Variants in IL1RAPL1 observed in about 807,000 individuals in gnomAD.
IL1RAPL1 encodes interleukin-1 receptor accessory protein-like 1.
IL1RAPL1 carries 3 observed loss-of-function variants against 48.4 expected under a neutral mutation model. The ratio of observed to expected loss-of-function variants is 0.06; its 90% CI spans 0.03 to 0.16. IL1RAPL1 has a LOEUF of 0.16. Among genes scored for constraint, IL1RAPL1 ranks in the 10% least tolerant of loss-of-function variants. The probability of loss-of-function intolerance (pLI) is 1.00; values close to 1 mark genes in which losing one functional copy is unlikely to be tolerated. For missense variants in IL1RAPL1, 349 were observed against 530.6 expected (o/e 0.66, Z 3.36); for synonymous variants, 185 against 187.7 (o/e 0.99, Z 0.12).
chrX:29,873,711 C>T (rs1316080982), intron 6 of IL1RAPL1, among the ~76,000 whole-genome samples: 1 of 111,928 alleles, frequency 8.9e-6, no homozygotes, highest in Non-Finnish European at 1.9e-5. Context: ...AATGGACCAA[C>T]ACAAGTGATG....
At chrX:29,049,734 T>G (rs1927051893) in intron 2 of IL1RAPL1, among the ~76,000 whole-genome samples, 1 of 112,535 alleles carries the variant, frequency 8.9e-6, no homozygotes, top group Non-Finnish European at 1.9e-5. Flanking sequence ...TTAAACTGAT[T>G]AACTTTTTAA....
intron 1 of IL1RAPL1, among the ~76,000 whole-genome samples, chrX:28,773,061 A>ATCTC (rs112975089): frequency 8.5e-5 from 9 of 105,432 alleles, no homozygotes; most frequent in Non-Finnish European, 1.4e-4. Flanking sequence ...TTCTTATAAT[A>ATCTC]TCTCTCTCTC....
At chrX:29,023,131 A>G (rs1926409798) in intron 2 of IL1RAPL1, among the ~76,000 whole-genome samples, 1 of 112,234 alleles carries the variant, frequency 8.9e-6, no homozygotes, top group Non-Finnish European at 1.9e-5. Context: ...ATTTGTCAAG[A>G]TGTATTATGT....
chrX:29,507,364 T>TC (rs1935344059), intron 5 of IL1RAPL1, among the ~76,000 whole-genome samples: 1 of 518 alleles, frequency 1.9e-3, no homozygotes, highest in Non-Finnish European at 4.1e-3. Context: ...TCCCCTTCTC[T>TC]CCCCTCCCTT....
At chrX:29,262,650 C>A (rs1334329001) in intron 2 of IL1RAPL1, among the ~76,000 whole-genome samples, 3 of 105,373 alleles carry the variant, frequency 2.8e-5, no homozygotes, top group African/African-American at 1.0e-4. Flanking sequence ...GCAACAAGAG[C>A]GAAACTCCAT....
At chrX:29,315,068 A>T (rs921994868) in intron 3 of IL1RAPL1, among the ~76,000 whole-genome samples, 4 of 111,476 alleles carry the variant, frequency 3.6e-5, no homozygotes, top group Non-Finnish European at 7.5e-5. Context: ...TTAAAGGATG[A>T]GTAATAATCC....
chrX:29,112,222 G>C lies in IL1RAPL1; in HGVS notation c.83-170716G>C, dbSNP rs182913647. Reference sequence around the variant, plus strand: ...ATTATAGGTGTGAGCCATGGCACCTGGCCATATTTTCACTTTATTAATAGT... The same window carrying C: ...ATTATAGGTGTGAGCCATGGCACCTCGCCATATTTTCACTTTATTAATAGT... On this transcript the variant is annotated intron_variant, in intron 2 of 10. Transcript: ENST00000378993. Among the ~76,000 whole-genome samples, 55 of 111,101 alleles carry C rather than the reference G, an allele frequency of 5.0e-4. 1 individual carries two copies. The highest frequency in any genetic ancestry group is 4.7e-3 in the Middle Eastern group (1 of 214).
At position 29,396,433 on chromosome X, in the gene IL1RAPL1, C is replaced by G; in HGVS notation, c.538C>G (p.Leu180Val). ...FLLPTREPEILWYKECRTKTW... is the reference protein window; with the variant it reads ...FLLPTREPEIVWYKECRTKTW... ...ACTGCCAACCAGAGAACCTGAAATC[C>G]TTTGGTACAAGGTATGGACTGCGGG... The change falls in exon 4 of 11, where the codon CTT (leucine) becomes GTT (valine). Residue 180 changes from leucine to valine, a missense_variant. Around this residue, in one of 3 missense-constraint regions of IL1RAPL1, gnomAD observed 238 missense variants for 337.8 expected, o/e 0.70. Coordinates refer to ENST00000378993, the MANE Select transcript of IL1RAPL1 (RefSeq NM_014271.4). The G allele has an allele frequency of 8.3e-7, 1 of 1,209,711 alleles. No individual in the cohort carries two copies. Among genetic ancestry groups the G allele is most frequent in the Non-Finnish European group, 1.1e-6 (1 of 893,480 alleles).
At chrX:29,302,065 T>A (rs979348711) in intron 3 of IL1RAPL1, among the ~76,000 whole-genome samples, 1 of 112,020 alleles carries the variant, frequency 8.9e-6, no homozygotes, top group South Asian at 3.7e-4. Flanking sequence ...ATTTGGGAAG[T>A]ACCCAAGAAT....
chrX:29,811,920 C>T (rs904776525), intron 6 of IL1RAPL1, among the ~76,000 whole-genome samples: 7 of 111,633 alleles, frequency 6.3e-5, no homozygotes, highest in Non-Finnish European at 7.5e-5. Context: ...TAAAAGCACA[C>T]CCTTTAACAC....
chrX:29,067,020 C>A (rs990443558), intron 2 of IL1RAPL1, among the ~76,000 whole-genome samples: 2 of 111,738 alleles, frequency 1.8e-5, no homozygotes, highest in African/African-American at 6.5e-5. Flanking sequence ...CTTGTTCTTA[C>A]TGAGATTTGG....
At chrX:29,920,391 A>G (rs890436530) in intron 8 of IL1RAPL1, among the ~76,000 whole-genome samples, 1 of 111,830 alleles carries the variant, frequency 8.9e-6, no homozygotes, top group African/African-American at 3.3e-5. Flanking sequence ...GGAAAATAAT[A>G]GTATCAACCC....
chrX:28,809,686 T>G (rs895209224), intron 2 of IL1RAPL1, among the ~76,000 whole-genome samples: 1 of 110,407 alleles, frequency 9.1e-6, no homozygotes, highest in Non-Finnish European at 1.9e-5. Flanking sequence ...CCGTGGCCCC[T>G]TAGGTCATGG....
At chrX:28,726,284 A>G (rs1457184573) in intron 1 of IL1RAPL1, among the ~76,000 whole-genome samples, 2 of 112,264 alleles carry the variant, frequency 1.8e-5, no homozygotes, top group African/African-American at 6.5e-5. Context: ...TATTGATATT[A>G]TGTTCAAGAA....
chrX:29,535,470 G>A (rs1921200980), intron 5 of IL1RAPL1, among the ~76,000 whole-genome samples: 1 of 111,498 alleles, frequency 9.0e-6, no homozygotes, highest in African/African-American at 3.3e-5. Flanking sequence ...CTCTTTGTGG[G>A]GTACCATCCT....
rs898548266 is a variant in IL1RAPL1, at chrX:28,805,274, C to T, written c.82+15849C>T. Among the ~76,000 whole-genome samples, 3 of 111,329 alleles carry T rather than the reference C, an allele frequency of 2.7e-5. 1 individual carries two copies. Among genetic ancestry groups the T allele is most frequent in the African/African-American group, 9.8e-5 (3 of 30,717 alleles). On this transcript the variant is annotated intron_variant, in intron 2 of 10. Transcript: ENST00000378993. ...AAGAGAGGGAGGTGGAAGGTAATTCCAGCTGCTTTTATTAAGTTAAAAATT... is the reference window on the plus strand; with the variant it reads ...AAGAGAGGGAGGTGGAAGGTAATTCTAGCTGCTTTTATTAAGTTAAAAATT...
intron 2 of IL1RAPL1, among the ~76,000 whole-genome samples, chrX:29,267,779 A>C (rs964457970): frequency 8.9e-6 from 1 of 112,000 alleles, no homozygotes; most frequent in Non-Finnish European, 1.9e-5. Flanking sequence ...ACCGAATGCC[A>C]TGTGTAAATT....
chrX:28,680,143 T>C (rs369472897), intron 1 of IL1RAPL1, among the ~76,000 whole-genome samples: 1 of 111,645 alleles, frequency 9.0e-6, no homozygotes, highest in Non-Finnish European at 1.9e-5. Context: ...TCCTAATCAA[T>C]GTTTTAAATT....
At chrX:28,965,031 A>G (rs2147365073) in intron 2 of IL1RAPL1, among the ~76,000 whole-genome samples, 1 of 111,683 alleles carries the variant, frequency 9.0e-6, no homozygotes, top group South Asian at 3.7e-4. Context: ...TGTTATACAC[A>G]CACACACATA....
Sources: allele counts gnomAD v4.1 joint callset (sites outside exome capture counted in the v4.1 genomes callset), GRCh38; gene constraint gnomAD v4.1.1; regional missense constraint gnomAD v4.1.1; transcripts MANE v1.5; gene names NCBI Gene and HGNC (gene_info 2026-07-23, HGNC 2026-07-21).